The following CPSF1 variants were observed in gnomAD, a reference collection of about 807,000 sequenced individuals.
The protein encoded by CPSF1 is cleavage and polyadenylation specific factor 1, also known as cleavage and polyadenylation specificity factor subunit 1.
Under a neutral mutation model 175.8 loss-of-function variants are expected in CPSF1, and 106 were observed. The ratio of observed to expected loss-of-function variants is 0.60; its 90% CI spans 0.52 to 0.71. CPSF1 has a LOEUF of 0.71. Among genes scored for constraint, CPSF1 ranks in the 30% least tolerant of loss-of-function variants. The pLI, the probability that CPSF1 is intolerant of heterozygous loss-of-function variation, is 0.00. For synonymous variants in CPSF1, 1,024 were observed against 858.3 expected (o/e 1.19, Z -3.37); for missense variants, 1,734 against 2,022.9 (o/e 0.86, Z 2.74).
chr8:144,397,784 GC>G lies in CPSF1; in HGVS notation c.2168del (p.Gly723AlafsTer86). 6.2e-7 allele frequency: 1 copy of G among 1,609,850 alleles called. No homozygotes were observed. Among genetic ancestry groups the G allele is most frequent in the Non-Finnish European group, 8.5e-7 (1 of 1,178,622 alleles). On this transcript the variant is annotated frameshift_variant, in exon 21 of 38. Transcript: ENST00000616140. LOFTEE classifies it high-confidence loss of function. ...GGCCCTCGGCCTCCGGGCCACTGCG[GC>G]CCCCGAGCTCGTCACGGGCCCCACC... ...RLGGARDELG[G>X]RSGPEAEGLG...
At position 144,394,254 on chromosome 8, in the gene CPSF1, T is replaced by C. The variant is rs782525771; in HGVS notation, c.3791A>G (p.Asn1264Ser). 5.6e-6 allele frequency: 9 copies of C among 1,605,172 alleles called. No individual in the cohort carries two copies. Among genetic ancestry groups the C allele is most frequent in the Non-Finnish European group, 7.7e-6 (9 of 1,175,398 alleles). Reference protein sequence around the residue: ...EVYSVDFMVDNAQLGFLVSDR... With the variant: ...EVYSVDFMVDSAQLGFLVSDR... ...CATACCCAGAAAACCCAGCTGGGCATTGTCCACCATGAAGTCCACGCTGTA... is the reference window on the plus strand; with the variant it reads ...CATACCCAGAAAACCCAGCTGGGCACTGTCCACCATGAAGTCCACGCTGTA... The change falls in exon 33 of 38, where the codon AAT becomes AGT. Residue 1264 changes from asparagine (N) to serine (S), a missense_variant. This residue lies in a region of CPSF1 where 323 missense variants were observed against 338.5 expected (regional missense o/e 0.95). Coordinates refer to ENST00000616140, the MANE Select transcript of CPSF1 (RefSeq NM_013291.3).
chr8:144,397,019 G>A (rs1554864103), intron 23 of CPSF1, 90 bp from the exon 24 acceptor site: 1 of 1,035,914 alleles, frequency 9.7e-7, no homozygotes, highest in East Asian at 2.6e-5. Flanking sequence ...TGGGTAAGGG[G>A]CGGGGCTGAG....
rs1052059901 is a variant in CPSF1, at chr8:144,397,947, G to A, written c.2073+7C>T. 1 of 1,604,704 alleles carries A rather than the reference G, an allele frequency of 6.2e-7. No homozygotes were observed. The highest frequency in any genetic ancestry group is 8.5e-7 in the Non-Finnish European group (1 of 1,176,202). ...GACAGGAGGGCGCCGGGAATGAGGG[G>A]GCCTACATGGTGCAGCGGGGGCTTG... On this transcript the variant is annotated splice_region_variant and intron_variant, in intron 20 of 37. Transcript: ENST00000616140.
rs1554865706 is a variant in CPSF1, at chr8:144,399,741, C to G, written c.1120-31G>C. ...GGAGGGCAGGTGTGTGATGGCTGGGCCGGGTCTGGACCCAGACCCAACCCC... is the reference window on the plus strand; with the variant it reads ...GGAGGGCAGGTGTGTGATGGCTGGGGCGGGTCTGGACCCAGACCCAACCCC... On this transcript the variant is annotated intron_variant, in intron 11 of 37. Coordinates refer to ENST00000616140, the MANE Select transcript of CPSF1 (RefSeq NM_013291.3). This position sits in a 1 kb window ranked among gnomAD's most constrained non-coding sequence, Gnocchi z 6.4. 1 of 1,600,346 alleles carries G rather than the reference C, an allele frequency of 6.2e-7. No homozygotes were observed. Among genetic ancestry groups the G allele is most frequent in the East Asian group, 2.3e-5 (1 of 44,232 alleles).
In CPSF1 at chr8:144,397,391, C is replaced by T. The variant is rs782184903; in HGVS notation, c.2408G>A (p.Arg803Gln). The change falls in exon 23 of 38, where the codon CGG (arginine) becomes CAG (glutamine). Residue 803 changes from arginine (R) to glutamine (Q), a missense_variant. Arg to Gln is a conservative substitution (Grantham distance 43). Coordinates refer to ENST00000616140, the MANE Select transcript of CPSF1 (RefSeq NM_013291.3). The stretch of plus-strand genomic sequence containing the variant: ...GAAGTTCTTCACCAGGAACACCAGC[C>T]GCCAGTCGGGAAGCTGGTAGATCTG... ...TMEIYQLPDW[R>Q]LVFLVKNFPV... 28 of 1,570,654 alleles carry T rather than the reference C, an allele frequency of 1.8e-5. No homozygotes were observed. The highest frequency in any genetic ancestry group is 8.1e-5 in the African/African-American group (6 of 73,978).
rs1564693208 is a variant in CPSF1, at chr8:144,400,077, C to G, written c.946G>C (p.Glu316Gln). Reference protein sequence around the residue: ...GTTAFPLRTQEGVRITLDCAQ... With the variant: ...GTTAFPLRTQQGVRITLDCAQ... ...CAGTCCAGGGTGATCCGCACACCCT[C>G]CTGGGTGCCTGTGGGGTGGGTGGTC... is the stretch of plus-strand genomic sequence containing the variant. Residue 316 changes from glutamate (E) to glutamine (Q), a missense_variant, in exon 10 of 38, where the codon GAG (glutamate) becomes CAG (glutamine). This residue lies in a region of CPSF1 where 61 missense variants were observed against 104.0 expected (regional missense o/e 0.59). Coordinates refer to ENST00000616140, the MANE Select transcript of CPSF1 (RefSeq NM_013291.3). 3 of 1,599,658 alleles carry G rather than the reference C, an allele frequency of 1.9e-6. No individual in the cohort carries two copies. Among genetic ancestry groups the G allele is most frequent in the South Asian group, 1.1e-5 (1 of 90,730 alleles).
intron 9 of CPSF1, 30 bp downstream of exon 9, chr8:144,400,136 C>CCCCCCCCCCCCCCCCA: frequency 1.0e-6 from 1 of 995,126 alleles, no homozygotes; most frequent in Non-Finnish European, 1.4e-6. Context: ...CGTCCCCGGG[C>CCCCCCCCCCCCCCCCA]CCCCCCCGCC....
chr8:144,400,135 G>GGGCGCCCCCCCCC, intron 9 of CPSF1, 31 bp downstream of exon 9: 1 of 896,010 alleles, frequency 1.1e-6, no homozygotes, highest in Non-Finnish European at 1.6e-6. Context: ...CCGTCCCCGG[G>GGGCGCCCCCCCCC]CCCCCCCCGC....
chr8:144,393,245 T>G lies in CPSF1; in HGVS notation c.*73A>C. On this transcript the variant is annotated 3_prime_UTR_variant, in exon 38 of 38. Transcript: ENST00000616140. ...ACACACTCCTCTCAAGCAAAAAATG[T>G]TTTTCCTTGTGTTTTGTACAAAAAG... 4.2e-6 allele frequency: 6 copies of G among 1,420,410 alleles called. No individual in the cohort carries two copies. The South Asian group carries it at 5.8e-5, about 14-fold the overall frequency. The allele number at this position is 1,420,410 out of a possible 1,614,324, so 88.0% of individuals were successfully genotyped here.
rs1035153179 is a variant in CPSF1, at chr8:144,401,731, C to G, written c.145-58G>C. ...GCCACATCTGGCAGCTCACCTCATC[C>G]GGGGAACGAGAAAAGACCACCAAGC... On this transcript the variant is annotated intron_variant, in intron 2 of 37. Transcript: ENST00000616140. 5 of 1,540,220 alleles carry G rather than the reference C, an allele frequency of 3.2e-6. No homozygotes were observed. In the Admixed American group the frequency reaches 9.9e-5, roughly 30 times the overall value.
intron 26 of CPSF1, 112 bp downstream of exon 26, chr8:144,396,236 C>T: frequency 8.6e-7 from 1 of 1,162,102 alleles, no homozygotes; most frequent in Non-Finnish European, 1.2e-6. Context: ...CCTCTGGACA[C>T]TCCTTCCTGG....
rs781842239 is a variant in CPSF1, at chr8:144,395,325, G to A, written c.3127C>T (p.Pro1043Ser). ...VYAVATSTNT[P>S]CARIPRMTGE... ...GTCATGCGTGGGATGCGGGCACACG[G>A]CGTGTTGGTGCTGGTGGCCACAGCA... Residue 1043 changes from proline (P) to serine (S), a missense_variant, in exon 28 of 38, where the codon CCG becomes TCG. Physicochemically the swap from Pro to Ser is moderately conservative, Grantham distance 74. Coordinates refer to ENST00000616140, the MANE Select transcript of CPSF1 (RefSeq NM_013291.3). 6 of 1,613,390 alleles carry A rather than the reference G, an allele frequency of 3.7e-6. No homozygotes were observed. In the African/African-American group the frequency reaches 8.0e-5, roughly 22 times the overall value.
chr8:144,398,164 CCCACCACCG>C, intron 19 of CPSF1, 32 bp from the exon 20 acceptor site: 1 of 1,064,750 alleles, frequency 9.4e-7, no homozygotes, highest in Non-Finnish European at 1.3e-6. Flanking sequence ...CATGCGCCTC[CCCACCACCG>C]TCCCCACCCA....
intron 5 of CPSF1, 48 bp downstream of exon 5, chr8:144,401,163 G>T (rs2116881879): frequency 6.4e-7 from 1 of 1,558,914 alleles, no homozygotes; most frequent in Non-Finnish European, 8.7e-7. Flanking sequence ...GCAGGGGGAG[G>T]GAGGGTGGCT....
At chr8:144,400,135 G>GGGGGGGCCCCCCCCCCCCCCCCCCCC in intron 9 of CPSF1, 31 bp downstream of exon 9, 1 of 895,992 alleles carries the variant, frequency 1.1e-6, no homozygotes, top group Non-Finnish European at 1.6e-6. Context: ...CCGTCCCCGG[G>GGGGGGGCCCCCCCCCCCCCCCCCCCC]CCCCCCCCGC....
rs2116883625 is a variant in CPSF1 at position 144,401,328 on chromosome 8, C to T, written c.307-37G>A. ...GGGCACAGCCGTGGCTGCCGACTGC[C>T]GGTCCTGACAGTGTCGCCCCCGGCA... On this transcript the variant is annotated intron_variant, in intron 4 of 37. Coordinates refer to ENST00000616140, the MANE Select transcript of CPSF1 (RefSeq NM_013291.3). 115 of 1,598,980 alleles carry T rather than the reference C, an allele frequency of 7.2e-5. No individual in the cohort carries two copies. In the Admixed American group the frequency reaches 1.6e-3, roughly 22 times the overall value.
At chr8:144,408,442 T>C (rs2116910990) in intron 2 of CPSF1, among the ~76,000 whole-genome samples, 2 of 152,182 alleles carry the variant, frequency 1.3e-5, no homozygotes, top group African/African-American at 4.8e-5. Context: ...TCCCAAACCC[T>C]TGAGGCGTGT....
chr8:144,394,296 G>A lies in CPSF1; in HGVS notation c.3749C>T (p.Ala1250Val), dbSNP rs1261303452. The change falls in exon 33 of 38, where the codon GCC becomes GTC. Residue 1250 changes from alanine to valine, a missense_variant. Physicochemically the swap from Ala to Val is moderately conservative, Grantham distance 64 (BLOSUM62 0). Around this residue, in one of 10 missense-constraint regions of CPSF1, gnomAD observed 323 missense variants for 338.5 expected, o/e 0.95. Transcript: ENST00000616140. Reference protein sequence around the residue: ...SKTLSLVSRDAKPLEVYSVDF... With the variant: ...SKTLSLVSRDVKPLEVYSVDF... ...CACGCTGTACACCTCCAGGGGCTTG[G>A]CATCCTGGGGGCGGGAAGGGGGCGT... 1.3e-6 allele frequency: 2 copies of A among 1,590,678 alleles called. No individual in the cohort carries two copies. The highest frequency in any genetic ancestry group is 1.7e-6 in the Non-Finnish European group (2 of 1,166,654).
chr8:144,394,013 G>A lies in CPSF1; in HGVS notation c.3885C>T (p.Arg1295=). 1 of 1,612,644 alleles carries A rather than the reference G, an allele frequency of 6.2e-7. No individual in the cohort carries two copies. Among genetic ancestry groups the A allele is most frequent in the East Asian group, 2.2e-5 (1 of 44,838 alleles). Residue 1295 remains arginine (R), a synonymous_variant, in exon 35 of 38, where the codon CGC becomes CGT. Coordinates refer to ENST00000616140, the MANE Select transcript of CPSF1 (RefSeq NM_013291.3). ...PEAKESFGGM[R]LLRRADFHVG... ...CGTGGAAGTCTGCCCGACGCAGCAG[G>A]CGCATGCCCCCGAAACTCTCCTTGG...
Sources: gnomAD v4.1 joint callset for allele counts (sites outside exome capture counted in the v4.1 genomes callset) on GRCh38, gnomAD v4.1.1 for gene constraint, gnomAD v4.1.1 regional missense constraint, Gnocchi (gnomAD v3.1) non-coding constraint, MANE v1.5 for transcripts, NCBI Gene and HGNC (gene_info 2026-07-23, HGNC 2026-07-21) for gene names.